Variants in IQSEC1 observed in about 807,000 individuals in gnomAD.
The protein encoded by IQSEC1 is IQ motif and Sec7 domain ArfGEF 1.
A neutral mutation model predicts 91.0 loss-of-function variants in IQSEC1; 31 were observed. The ratio of observed to expected loss-of-function variants is 0.34; its 90% CI spans 0.26 to 0.46. The LOEUF (loss-of-function observed/expected upper bound fraction) is 0.46. IQSEC1 is among the 20% of genes least tolerant of loss of function. IQSEC1 has a pLI of 1.00. For missense variants in IQSEC1, 1,388 were observed against 1,575.6 expected (o/e 0.88, Z 2.02); for synonymous variants, 699 against 662.6 (o/e 1.05, Z -0.84).
Position 13,259,644 on chromosome 3 carries a change from T to C in IQSEC1, c.272+23067A>G, listed in dbSNP as rs1310474403. Among the ~76,000 whole-genome samples the C allele has an allele frequency of 6.6e-6, 1 of 152,228 alleles. No homozygotes were observed. Among genetic ancestry groups the C allele is most frequent in the Non-Finnish European group, 1.5e-5 (1 of 68,040 alleles). ...AGACCCACTAGGCTGTTCGTTGCCA[T>C]TCAAAACCAGCAGCTCCACAACCAT... On this transcript the variant is annotated intron_variant, in intron 1 of 15. Coordinates refer to the IQSEC1 transcript ENST00000648114. The surrounding 1 kb of genome is among the most constrained non-coding windows in gnomAD (Gnocchi z 4.6).
chr3:12,909,870 C>T lies in IQSEC1; in HGVS notation c.2417-436G>A, dbSNP rs999558374. ...CCCTGTGCCCAGACCTGCCTGGTGCCACCTCCGGGCTCTCAGGGTCCCTGG... is the reference window on the plus strand; with the variant it reads ...CCCTGTGCCCAGACCTGCCTGGTGCTACCTCCGGGCTCTCAGGGTCCCTGG... On this transcript the variant is annotated intron_variant, in intron 10 of 13. Coordinates refer to ENST00000613206, the MANE Select transcript of IQSEC1 (RefSeq NM_001134382.3). This position sits in a 1 kb window ranked among gnomAD's most constrained non-coding sequence, Gnocchi z 4.9. Among the ~76,000 whole-genome samples the T allele has an allele frequency of 6.6e-6, 1 of 152,244 alleles. No homozygotes were observed. Among genetic ancestry groups the T allele is most frequent in the East Asian group, 1.9e-4 (1 of 5,182 alleles).
chr3:13,242,026 CAT>C lies in IQSEC1; in HGVS notation c.272+40683_272+40684del, dbSNP rs567074546. Among the ~76,000 whole-genome samples, 446 of 152,300 alleles carry C rather than the reference CAT, an allele frequency of 2.9e-3. 2 individuals carry two copies. In the South Asian group the frequency reaches 0.029, roughly 10 times the overall value. ...TTACCACAACGTATATACATACACA[CAT>C]GTGTGTATGTGTGCATATATATTTG... is the stretch of plus-strand genomic sequence containing the variant. On this transcript the variant is annotated intron_variant, in intron 1 of 15. Transcript: ENST00000648114.
intron 2 of IQSEC1, among the ~76,000 whole-genome samples, chr3:13,157,264 C>T (rs1347181391): frequency 6.6e-6 from 1 of 152,204 alleles, no homozygotes; most frequent in South Asian, 2.1e-4. Flanking sequence ...AATATCTCTG[C>T]CTCATCTTCT....
At chr3:13,102,664 T>A (rs1024401218) in intron 2 of IQSEC1, among the ~76,000 whole-genome samples, 1 of 152,158 alleles carries the variant, frequency 6.6e-6, no homozygotes, top group Non-Finnish European at 1.5e-5. Context: ...TCACGTCACA[T>A]GCTCCCACTG....
intron 1 of IQSEC1, chr3:13,047,615 TC>T: frequency 1.7e-6 from 1 of 589,152 alleles, no homozygotes; most frequent in Non-Finnish European, 2.1e-6. Context: ...CAGCAGGTGG[TC>T]CCAGGACAGG....
At chr3:13,124,296 C>T (rs1342356831) in intron 2 of IQSEC1, among the ~76,000 whole-genome samples, 1 of 152,118 alleles carries the variant, frequency 6.6e-6, no homozygotes. Flanking sequence ...CTCACGAGGG[C>T]CCCCACCGAG....
intron 2 of IQSEC1, among the ~76,000 whole-genome samples, chr3:13,085,218 G>A (rs371213950): frequency 1.3e-5 from 2 of 152,176 alleles, no homozygotes; most frequent in African/African-American, 2.4e-5. Flanking sequence ...AAAGAGACCT[G>A]CTCTGTGTCA....
At chr3:13,276,492 C>T (rs1198520836) in intron 1 of IQSEC1, among the ~76,000 whole-genome samples, 2 of 152,158 alleles carry the variant, frequency 1.3e-5, no homozygotes, top group Non-Finnish European at 2.9e-5. Flanking sequence ...ACGGAAGTGG[C>T]CTTCTCCATT....
chr3:12,954,309 G>A (rs928731985), intron 1 of IQSEC1, among the ~76,000 whole-genome samples: 2 of 152,192 alleles, frequency 1.3e-5, no homozygotes, highest in Admixed American at 1.3e-4. Context: ...GGATGAGAGG[G>A]CAGCCCCTAG....
At chr3:13,168,303 C>T (rs988851633) in intron 1 of IQSEC1, among the ~76,000 whole-genome samples, 1 of 152,244 alleles carries the variant, frequency 6.6e-6, no homozygotes, top group African/African-American at 2.4e-5. Flanking sequence ...TAAAAATCAT[C>T]TCTAATCCTA....
intron 2 of IQSEC1, among the ~76,000 whole-genome samples, chr3:13,114,570 T>C (rs1375987047): frequency 2.0e-5 from 3 of 152,068 alleles, no homozygotes; most frequent in African/African-American, 7.2e-5. Context: ...GGCAGGTGGA[T>C]CACCTGAGGC....
chr3:12,984,893 C>T (rs1490884931), intron 1 of IQSEC1, among the ~76,000 whole-genome samples: 2 of 148,030 alleles, frequency 1.4e-5, no homozygotes, highest in Non-Finnish European at 1.5e-5. Context: ...GGCGCTATCC[C>T]GGCTCACTGC....
chr3:13,127,250 T>C (rs958291568), intron 2 of IQSEC1, among the ~76,000 whole-genome samples: 7 of 152,022 alleles, frequency 4.6e-5, no homozygotes, highest in Non-Finnish European at 1.0e-4. Flanking sequence ...CCGCCTCTAC[T>C]AAAAATAAAA....
chr3:13,004,548 T>C (rs1480546720), intron 1 of IQSEC1, among the ~76,000 whole-genome samples: 1 of 152,132 alleles, frequency 6.6e-6, no homozygotes, highest in Non-Finnish European at 1.5e-5. Context: ...CTCCCTCTCC[T>C]TGGATTATAA....
chr3:13,117,569 C>CAAAAAAAAAAAA (rs34002295), intron 2 of IQSEC1, among the ~76,000 whole-genome samples: 5 of 9,462 alleles, frequency 5.3e-4, no homozygotes, highest in African/African-American at 1.7e-3. Flanking sequence ...GACTCCGTCT[C>CAAAAAAAAAAAA]AAAAAAAAAA....
At chr3:13,170,155 C>A (rs919075072) in intron 1 of IQSEC1, among the ~76,000 whole-genome samples, 2 of 152,234 alleles carry the variant, frequency 1.3e-5, no homozygotes, top group African/African-American at 4.8e-5. Context: ...TGCCTCCCAG[C>A]CATTCCAGCC....
At chr3:13,223,889 G>A (rs1184319510) in intron 1 of IQSEC1, among the ~76,000 whole-genome samples, 1 of 152,162 alleles carries the variant, frequency 6.6e-6, no homozygotes, top group African/African-American at 2.4e-5. Context: ...CTCCTAAGGC[G>A]CTGTTGGTTT....
Position 12,956,111 on chromosome 3 carries a change from A to T in IQSEC1, c.24-14246T>A, listed in dbSNP as rs145992501. 1.9e-3 allele frequency among the ~76,000 whole-genome samples: 286 copies of T among 152,340 alleles called. 3 individuals are homozygous for T. The highest frequency in any genetic ancestry group is 6.6e-3 in the African/African-American group (276 of 41,576). ...TAACAGTCAGACAAAGCGAGGTGGC[A>T]GCCGCATCCATCAGACAGCACATGT... On this transcript the variant is annotated intron_variant, in intron 1 of 13. Coordinates refer to ENST00000613206, the MANE Select transcript of IQSEC1 (RefSeq NM_001134382.3).
chr3:12,913,649 C>T (rs1695785332), intron 8 of IQSEC1, 96 bp from the exon 9 acceptor site: 2 of 1,305,708 alleles, frequency 1.5e-6, no homozygotes, highest in Middle Eastern at 2.6e-4. Context: ...AAGCTAGAAA[C>T]CCGGCACGTG....
Sources: gnomAD v4.1 joint callset for allele counts (sites outside exome capture counted in the v4.1 genomes callset) on GRCh38, gnomAD v4.1.1 for gene constraint, Gnocchi (gnomAD v3.1) non-coding constraint, MANE v1.5 for transcripts, NCBI Gene and HGNC (gene_info 2026-07-23, HGNC 2026-07-21) for gene names.